The following DNAH9 variants were observed in gnomAD, a reference collection of about 807,000 sequenced individuals.
DNAH9 encodes dynein axonemal heavy chain 9, also known as DNAH9 variant protein.
DNAH9 carries 345 observed loss-of-function variants against 471.6 expected under a neutral mutation model. That is an observed-to-expected ratio of 0.73 (90% CI 0.67 to 0.80). The LOEUF is 0.80. Ranked by LOEUF, DNAH9 falls within the 30% of genes least tolerant of loss-of-function variation. DNAH9 has a pLI of 0.00. For synonymous variants in DNAH9, 2,093 were observed against 2,123.6 expected, an observed-to-expected ratio of 0.99 and a Z score of 0.40; for missense variants, 5,407 against 5,609.2, an observed-to-expected ratio of 0.96 and a Z score of 1.15.
chr17:11,920,039 T>G (rs9914972), intron 61 of DNAH9, among the ~76,000 whole-genome samples: 1 of 104,698 alleles, frequency 9.6e-6, no homozygotes, highest in Non-Finnish European at 2.0e-5. Context: ...TTCTTTCTTT[T>G]TTTTTTTTTT....
chr17:11,940,522 T>G (rs930550467), intron 66 of DNAH9, among the ~76,000 whole-genome samples: 1 of 152,200 alleles, frequency 6.6e-6, no homozygotes, highest in African/African-American at 2.4e-5. Context: ...TGCTCTCAGG[T>G]ACCATTAAAA....
chr17:11,598,835 C>G lies in DNAH9; in HGVS notation c.337C>G (p.Pro113Ala). Reference protein sequence around the residue: ...FLRTGPEPPGPDSFRGAVVCG... With the variant: ...FLRTGPEPPGADSFRGAVVCG... ...TCGCACCGGGCCCGAGCCTCCAGGGCCCGACAGCTTCCGCGGCGCAGTGGT... is the reference window on the plus strand; with the variant it reads ...TCGCACCGGGCCCGAGCCTCCAGGGGCCGACAGCTTCCGCGGCGCAGTGGT... Residue 113 changes from proline (P) to alanine (A), a missense_variant, in exon 1 of 69, where the codon CCC becomes GCC. Coordinates refer to ENST00000262442, the MANE Select transcript of DNAH9 (RefSeq NM_001372.4). The G allele has an allele frequency of 1.3e-6, 2 of 1,516,738 alleles. No individual in the cohort carries two copies. Among genetic ancestry groups the G allele is most frequent in the Admixed American group, 2.0e-5 (1 of 49,686 alleles). 94.0% of individuals were successfully genotyped at this position (1,516,738 alleles called of 1,614,324 possible). A position where few individuals can be genotyped will look rare whatever the true frequency, so the allele number is the denominator to read the frequency against.
At chr17:11,766,694 G>A (rs1223039387) in intron 36 of DNAH9, among the ~76,000 whole-genome samples, 2 of 152,216 alleles carry the variant, frequency 1.3e-5, no homozygotes, top group African/African-American at 2.4e-5. Context: ...GCTGGGTGCG[G>A]TGGCTCACGC....
At chr17:11,959,382 TTAAA>T (rs151275713) in intron 67 of DNAH9, among the ~76,000 whole-genome samples, 1,619 of 152,318 alleles carry the variant, frequency 0.011, 30 homozygotes, top group African/African-American at 0.037. Flanking sequence ...TGTTATTTTA[TTAAA>T]TAATCAGCTA....
intron 67 of DNAH9, among the ~76,000 whole-genome samples, chr17:11,956,528 T>C (rs972602432): frequency 1.1e-4 from 17 of 152,110 alleles, no homozygotes; most frequent in African/African-American, 3.1e-4. Context: ...AGAATACACA[T>C]ACTTTTCAAG....
chr17:11,617,992 C>A (rs140080299), intron 5 of DNAH9, among the ~76,000 whole-genome samples: 1 of 152,224 alleles, frequency 6.6e-6, no homozygotes, highest in Non-Finnish European at 1.5e-5. Context: ...CTGTACCAAT[C>A]CCTGGCTTTG....
chr17:11,897,791 A>G (rs931584177), intron 59 of DNAH9, among the ~76,000 whole-genome samples: 1 of 152,180 alleles, frequency 6.6e-6, no homozygotes, highest in Non-Finnish European at 1.5e-5. Flanking sequence ...TAAATGCTAA[A>G]CCAATGGAAG....
intron 39 of DNAH9, among the ~76,000 whole-genome samples, chr17:11,782,944 GTTAAAAAATTAC>G (rs1228235166): frequency 1.3e-5 from 2 of 152,100 alleles, no homozygotes. Flanking sequence ...ATTCTATTGG[GTTAAAAAATTAC>G]TTTATAATTA....
chr17:11,671,181 G>T (rs183831642), intron 17 of DNAH9, among the ~76,000 whole-genome samples: 1 of 152,156 alleles, frequency 6.6e-6, no homozygotes, highest in African/African-American at 2.4e-5. Context: ...TCATTGCTAC[G>T]TCTGGTAATT....
At chr17:11,609,235 A>G (rs559931458) in intron 2 of DNAH9, among the ~76,000 whole-genome samples, 5 of 152,312 alleles carry the variant, frequency 3.3e-5, no homozygotes, top group African/African-American at 4.8e-5. Flanking sequence ...AAATACAACA[A>G]TGTACTTTAT....
chr17:11,701,903 A>G (rs1259580577), intron 24 of DNAH9, among the ~76,000 whole-genome samples: 1 of 152,040 alleles, frequency 6.6e-6, no homozygotes, highest in Non-Finnish European at 1.5e-5. Context: ...GCTGGTCTCA[A>G]ACTCCTGAAC....
chr17:11,605,502 T>C (rs1276794745), intron 1 of DNAH9, among the ~76,000 whole-genome samples: 1 of 151,920 alleles, frequency 6.6e-6, no homozygotes, highest in Non-Finnish European at 1.5e-5. Flanking sequence ...TTGTTGTTGT[T>C]GTTGTTGTTG....
At chr17:11,851,522 C>T (rs2150967938) in intron 49 of DNAH9, among the ~76,000 whole-genome samples, 1 of 152,250 alleles carries the variant, frequency 6.6e-6, no homozygotes, top group East Asian at 1.9e-4. Context: ...CAAGTCAATA[C>T]ACTGAAAGAA....
intron 61 of DNAH9, among the ~76,000 whole-genome samples, chr17:11,911,185 C>A (rs983907846): frequency 6.6e-6 from 1 of 152,152 alleles, no homozygotes. Context: ...ACATTTAGGT[C>A]TATAATCCAC....
In DNAH9 at chr17:11,717,768, C is replaced by T. The variant is rs564827237; in HGVS notation, c.5553-1566C>T. Among the ~76,000 whole-genome samples, 7 of 152,292 alleles carry T rather than the reference C, an allele frequency of 4.6e-5. No homozygotes were observed. In the South Asian group the frequency reaches 1.5e-3, roughly 32 times the overall value. ...TCCAACTGTAGAGCATTTCCTTCAC[C>T]CTTTTTGCAATAATTTCCTTCTCTC... On this transcript the variant is annotated intron_variant, in intron 26 of 68. Transcript: ENST00000262442.
chr17:11,817,883 A>ATT (rs61404478), intron 45 of DNAH9, among the ~76,000 whole-genome samples: 1 of 151,954 alleles, frequency 6.6e-6, no homozygotes, highest in African/African-American at 2.4e-5. Context: ...ATGATAATTC[A>ATT]TTTTTTTATT....
intron 36 of DNAH9, among the ~76,000 whole-genome samples, chr17:11,764,692 A>G (rs1351993345): frequency 6.6e-6 from 1 of 151,386 alleles, no homozygotes; most frequent in Non-Finnish European, 1.5e-5. Context: ...TTGCAAATGG[A>G]AAGATTTCCT....
At chr17:11,856,560 G>C (rs1291844820) in intron 50 of DNAH9, among the ~76,000 whole-genome samples, 2 of 32,506 alleles carry the variant, frequency 6.2e-5, no homozygotes, top group Non-Finnish European at 1.4e-4. Flanking sequence ...AAAAAAATTA[G>C]CCGGGCGTGG....
chr17:11,925,087 ATCT>A (rs1974274788), intron 62 of DNAH9: 1 of 419,336 alleles, frequency 2.4e-6, no homozygotes, highest in Non-Finnish European at 4.7e-6. Flanking sequence ...ACATTTTGAA[ATCT>A]TCTATTAGAG....
Sources: allele counts gnomAD v4.1 joint callset (sites outside exome capture counted in the v4.1 genomes callset), GRCh38; gene constraint gnomAD v4.1.1; transcripts MANE v1.5; gene names NCBI Gene and HGNC (gene_info 2026-07-23, HGNC 2026-07-21).